LSAMP: variants seen among roughly 807,000 people sequenced by gnomAD.
LSAMP encodes limbic system-associated membrane protein.
A neutral mutation model predicts 38.6 loss-of-function variants in LSAMP; 7 were observed. The ratio of observed to expected loss-of-function variants is 0.18; its 90% CI spans 0.10 to 0.34. The LOEUF is 0.34. Ranked by LOEUF, LSAMP falls within the 10% of genes least tolerant of loss-of-function variation. The pLI, the probability that LSAMP is intolerant of heterozygous loss-of-function variation, is 1.00. For missense variants in LSAMP, 313 were observed against 420.0 expected, an observed-to-expected ratio of 0.75 and a Z score of 2.23; for synonymous variants, 154 against 166.8, an observed-to-expected ratio of 0.92 and a Z score of 0.59.
At chr3:116,153,613 A>G (rs948266807) in intron 1 of LSAMP, among the ~76,000 whole-genome samples, 2 of 152,154 alleles carry the variant, frequency 1.3e-5, no homozygotes, top group African/African-American at 4.8e-5. Flanking sequence ...GATCAATTAG[A>G]TCGTCTCTCA....
At chr3:116,022,401 C>A (rs1940664687) in intron 2 of LSAMP, among the ~76,000 whole-genome samples, 1 of 152,104 alleles carries the variant, frequency 6.6e-6, no homozygotes, top group South Asian at 2.1e-4. Flanking sequence ...CCATCCACAC[C>A]TCAACCTTCA....
At chr3:116,366,028 A>T (rs1488919792) in intron 1 of LSAMP, among the ~76,000 whole-genome samples, 3 of 144,364 alleles carry the variant, frequency 2.1e-5, no homozygotes, top group African/African-American at 7.6e-5. Context: ...AAAAAAAAAA[A>T]AAAAAAAAAA....
chr3:115,828,185 G>A (rs1033067584), intron 6 of LSAMP, among the ~76,000 whole-genome samples: 8 of 152,094 alleles, frequency 5.3e-5, no homozygotes, highest in African/African-American at 1.9e-4. Flanking sequence ...ACATGCATAC[G>A]TAATGCCTGG....
In LSAMP at chr3:115,843,896, A is replaced by G. The variant is rs536163059; in HGVS notation, c.650-1318T>C. ...ACACTTGTATGTAAACAGGCGTGCT[A>G]AATGGAGTTTTGTTGTTGTACTGCT... On this transcript the variant is annotated intron_variant, in intron 4 of 6. Coordinates refer to ENST00000490035, the MANE Select transcript of LSAMP (RefSeq NM_002338.5). Among the ~76,000 whole-genome samples the G allele has an allele frequency of 7.2e-5, 11 of 152,324 alleles. No individual in the cohort carries two copies. The South Asian group carries it at 1.9e-3, about 26-fold the overall frequency.
intron 1 of LSAMP, among the ~76,000 whole-genome samples, chr3:116,433,951 T>C (rs2049313166): frequency 6.6e-6 from 1 of 152,204 alleles, no homozygotes. Flanking sequence ...ACTCTGAAGC[T>C]TTGGGATCCT....
At chr3:116,009,413 G>A (rs994677492) in intron 3 of LSAMP, among the ~76,000 whole-genome samples, 4 of 152,034 alleles carry the variant, frequency 2.6e-5, no homozygotes, top group African/African-American at 9.7e-5. Context: ...CAATCGTCTT[G>A]GCAATCCCCC....
At chr3:116,139,505 G>A (rs538632996) in intron 1 of LSAMP, among the ~76,000 whole-genome samples, 14 of 151,878 alleles carry the variant, frequency 9.2e-5, no homozygotes, top group African/African-American at 3.4e-4. Context: ...AATTTTAACC[G>A]TATCTCTTCA....
At chr3:116,322,347 A>T (rs2047716472) in intron 1 of LSAMP, among the ~76,000 whole-genome samples, 1 of 152,208 alleles carries the variant, frequency 6.6e-6, no homozygotes, top group Non-Finnish European at 1.5e-5. Flanking sequence ...TTGAGTCATT[A>T]CATGAAAATA....
At chr3:116,098,725 T>C (rs1708279380) in intron 1 of LSAMP, among the ~76,000 whole-genome samples, 1 of 151,886 alleles carries the variant, frequency 6.6e-6, no homozygotes, top group Admixed American at 6.6e-5. Flanking sequence ...ACCCTGTGTG[T>C]GTGTTTTTCT....
chr3:115,860,230 C>T (rs911547552), intron 3 of LSAMP, among the ~76,000 whole-genome samples: 3 of 152,212 alleles, frequency 2.0e-5, no homozygotes, highest in African/African-American at 4.8e-5. Context: ...TTTAAGATTG[C>T]TTACAGATGT....
chr3:116,219,072 C>T (rs2046253026), intron 1 of LSAMP, among the ~76,000 whole-genome samples: 1 of 152,158 alleles, frequency 6.6e-6, no homozygotes, highest in South Asian at 2.1e-4. Flanking sequence ...ATTAATCTTG[C>T]TTAACTGACA....
intron 1 of LSAMP, among the ~76,000 whole-genome samples, chr3:116,423,060 G>A (rs898797743): frequency 6.6e-6 from 1 of 152,092 alleles, no homozygotes; most frequent in Admixed American, 6.5e-5. Context: ...CACAGTGCCT[G>A]GCACAAAGAC....
chr3:116,420,620 A>G lies in LSAMP; in HGVS notation c.155+24257T>C, dbSNP rs563257715. 9.2e-5 allele frequency among the ~76,000 whole-genome samples: 14 copies of G among 151,826 alleles called. No individual in the cohort carries two copies. In the South Asian group the frequency reaches 2.7e-3, roughly 29 times the overall value. On this transcript the variant is annotated intron_variant, in intron 1 of 6. Transcript: ENST00000490035. ...GGTGGCTCCAGACTGTAATCCCAGC[A>G]CTTTGGGAGGGAGGCCAAGGTGGGC...
At chr3:116,308,776 C>T (rs2047518589) in intron 1 of LSAMP, among the ~76,000 whole-genome samples, 1 of 151,998 alleles carries the variant, frequency 6.6e-6, no homozygotes, top group African/African-American at 2.4e-5. Context: ...CACTTTTGAA[C>T]ATGTAAAATG....
chr3:115,852,286 T>C (rs1935358514), intron 4 of LSAMP, among the ~76,000 whole-genome samples, 197 bp downstream of exon 4: 1 of 152,220 alleles, frequency 6.6e-6, no homozygotes. Flanking sequence ...GTATTATGGA[T>C]TACATTTAGA....
At chr3:115,879,900 G>A (rs1291203797) in intron 3 of LSAMP, among the ~76,000 whole-genome samples, 1 of 152,022 alleles carries the variant, frequency 6.6e-6, no homozygotes, top group Non-Finnish European at 1.5e-5. Flanking sequence ...AACCCTTAAT[G>A]TGAGTTTAAA....
intron 2 of LSAMP, among the ~76,000 whole-genome samples, chr3:116,055,210 C>T (rs1374894215): frequency 3.9e-5 from 6 of 152,128 alleles, no homozygotes; most frequent in Admixed American, 3.9e-4. Flanking sequence ...TGTGAAAGCC[C>T]TTTGAATAAA....
rs949248321 is a variant in LSAMP, at chr3:115,802,820, A to G, written c.*7497T>C. 2.0e-5 allele frequency: 3 copies of G among 152,100 alleles called. No individual in the cohort carries two copies. Among genetic ancestry groups the G allele is most frequent in the Admixed American group, 6.6e-5 (1 of 15,258 alleles). 9.4% of individuals were successfully genotyped at this position (152,100 alleles called of 1,614,324 possible). ...TAGAGCAGTGATAAGGAAGGTGGGG[A>G]GCATTGGGAGATGGGGGAGGGAGTT... On this transcript the variant is annotated 3_prime_UTR_variant, in exon 7 of 7. Transcript: ENST00000490035.
chr3:116,301,476 C>T (rs1384581813), intron 1 of LSAMP, among the ~76,000 whole-genome samples: 1 of 152,174 alleles, frequency 6.6e-6, no homozygotes, highest in Non-Finnish European at 1.5e-5. Context: ...GTAGCAATAA[C>T]ATGTTTTAAT....
Sources: allele counts gnomAD v4.1 joint callset (sites outside exome capture counted in the v4.1 genomes callset), GRCh38; gene constraint gnomAD v4.1.1; transcripts MANE v1.5; gene names NCBI Gene and HGNC (gene_info 2026-07-23, HGNC 2026-07-21).